Variants in GABRB3 observed in about 807,000 individuals in gnomAD.
The protein encoded by GABRB3 is gamma-aminobutyric acid type A receptor subunit beta3, also known as gamma-aminobutyric acid receptor subunit beta-3.
Under a neutral mutation model 52.1 loss-of-function variants are expected in GABRB3, and 14 were observed. The ratio of observed to expected loss-of-function variants is 0.27; its 90% CI spans 0.18 to 0.42. GABRB3 has a LOEUF of 0.42. GABRB3 is among the 10% of genes least tolerant of loss of function. The pLI is 1.00. For synonymous variants in GABRB3, 260 were observed against 232.3 expected (o/e 1.12, Z -1.08); for missense variants, 307 against 609.1 (o/e 0.50, Z 5.22).
chr15:26,554,162 TATATATATATAAAG>T (rs1567097425), intron 8 of GABRB3, among the ~76,000 whole-genome samples: 4 of 13,416 alleles, frequency 3.0e-4, no homozygotes, highest in Non-Finnish European at 5.7e-4. Flanking sequence ...ATATATAAAG[TATATATATATAAAG>T]TATATATATA....
At chr15:26,593,222 T>C (rs1441912210) in intron 4 of GABRB3, among the ~76,000 whole-genome samples, 1 of 152,084 alleles carries the variant, frequency 6.6e-6, no homozygotes. Flanking sequence ...AAAATGGATA[T>C]GTAACTGAGA....
intron 3 of GABRB3, among the ~76,000 whole-genome samples, chr15:26,687,606 T>C (rs1006883044): frequency 2.6e-5 from 4 of 152,160 alleles, no homozygotes. Context: ...TTTCTCAGAA[T>C]GATGAAAAAT....
At position 26,772,459 on chromosome 15, in the gene GABRB3, G is replaced by A. The variant is rs778097525; in HGVS notation, c.183C>T (p.Val61=). The stretch of plus-strand genomic sequence containing the variant: ...CGATGTCGATGTTCATCCCCACGCA[G>A]ACCGGGGGACCTGCGGGAAGCACAG... ...RLRPDFGGPP[V]CVGMNIDIAS... is the part of the protein sequence containing the mutation. The change falls in exon 3 of 9, where the codon GTC becomes GTT. Residue 61 remains valine (V), a synonymous_variant. Transcript: ENST00000311550. The A allele has an allele frequency of 3.1e-6, 5 of 1,610,562 alleles. No individual in the cohort carries two copies. Among genetic ancestry groups the A allele is most frequent in the Non-Finnish European group, 4.2e-6 (5 of 1,178,446 alleles).
chr15:26,628,850 T>C (rs1440927948), intron 3 of GABRB3: 27 of 1,001,438 alleles, frequency 2.7e-5, no homozygotes, highest in East Asian at 1.0e-4. Context: ...AGCAGAGGCC[T>C]GAAACGGCAG....
At chr15:26,601,726 C>T (rs1388623366) in intron 4 of GABRB3, among the ~76,000 whole-genome samples, 1 of 152,004 alleles carries the variant, frequency 6.6e-6, no homozygotes, top group Non-Finnish European at 1.5e-5. Flanking sequence ...TATTTGCAAG[C>T]TTCATAGCAA....
intron 4 of GABRB3, among the ~76,000 whole-genome samples, chr15:26,591,893 C>T (rs950796250): frequency 2.6e-5 from 4 of 152,204 alleles, no homozygotes; most frequent in Admixed American, 2.6e-4. Flanking sequence ...GTTCTAGTCA[C>T]ATATCAAGTG....
At chr15:26,718,182 A>T (rs1889547123) in intron 3 of GABRB3, among the ~76,000 whole-genome samples, 1 of 152,154 alleles carries the variant, frequency 6.6e-6, no homozygotes, top group Admixed American at 6.5e-5. Context: ...CAACTTGTAC[A>T]ATTTAATAGC....
At chr15:26,743,527 T>G (rs1890263374) in intron 3 of GABRB3, among the ~76,000 whole-genome samples, 2 of 152,172 alleles carry the variant, frequency 1.3e-5, no homozygotes, top group African/African-American at 4.8e-5. Context: ...ATTTCTCAAG[T>G]CAGAATAATG....
intron 4 of GABRB3, among the ~76,000 whole-genome samples, chr15:26,587,126 A>C (rs1891021153): frequency 6.6e-6 from 1 of 152,294 alleles, no homozygotes; most frequent in South Asian, 2.1e-4. Flanking sequence ...TAGATTCATA[A>C]ATCGTAACAT....
intron 3 of GABRB3, among the ~76,000 whole-genome samples, chr15:26,719,586 C>A (rs531614150): frequency 7.2e-5 from 11 of 152,204 alleles, no homozygotes; most frequent in Non-Finnish European, 1.3e-4. Flanking sequence ...TATTTATTAT[C>A]ATTCAAGCAC....
intron 5 of GABRB3, among the ~76,000 whole-genome samples, chr15:26,582,056 A>G (rs987575038): frequency 6.6e-6 from 1 of 152,228 alleles, no homozygotes; most frequent in Non-Finnish European, 1.5e-5. Context: ...ATATGGAGAC[A>G]TGTGTAGTCA....
chr15:26,567,826 G>A (rs1023932449), intron 6 of GABRB3, 93 bp from the exon 7 acceptor site: 4 of 1,286,222 alleles, frequency 3.1e-6, no homozygotes, highest in Non-Finnish European at 4.5e-6. Flanking sequence ...ACAGGCAATG[G>A]AAAAGTCTGC....
chr15:26,581,029 C>T (rs866955285), intron 5 of GABRB3: 3 of 247,446 alleles, frequency 1.2e-5, no homozygotes, highest in Middle Eastern at 1.5e-3. Context: ...TTGGGATATT[C>T]CTGACCCTTA....
chr15:26,546,578 A>C lies in GABRB3; in HGVS notation c.*1215T>G, dbSNP rs1299314581. 6.6e-6 allele frequency: 1 copy of C among 152,478 alleles called. No individual in the cohort carries two copies. Among genetic ancestry groups the C allele is most frequent in the African/African-American group, 2.4e-5 (1 of 41,390 alleles). The allele number at this position is 152,478 out of a possible 1,614,324, so 9.4% of individuals were successfully genotyped here. On this transcript the variant is annotated 3_prime_UTR_variant, in exon 9 of 9. Coordinates refer to ENST00000311550, the MANE Select transcript of GABRB3 (RefSeq NM_000814.6). ...TAGGAGTAGTTGGATGTGCTTATGA[A>C]ATATGTCAGATACAGAAATAAAGGC...
At chr15:26,710,083 T>G (rs2140128888) in intron 3 of GABRB3, among the ~76,000 whole-genome samples, 1 of 152,336 alleles carries the variant, frequency 6.6e-6, no homozygotes, top group Middle Eastern at 3.4e-3. Flanking sequence ...ATAATGTTCC[T>G]TAAGGTTCAT....
chr15:26,764,052 A>G (rs1890896001), intron 3 of GABRB3, among the ~76,000 whole-genome samples: 1 of 149,394 alleles, frequency 6.7e-6, no homozygotes, highest in Non-Finnish European at 1.5e-5. Context: ...GGAGAGGCTG[A>G]GGCAAGAGAA....
At chr15:26,711,194 A>C (rs1889282688) in intron 3 of GABRB3, among the ~76,000 whole-genome samples, 1 of 152,224 alleles carries the variant, frequency 6.6e-6, no homozygotes, top group African/African-American at 2.4e-5. Context: ...AGCAAAATAT[A>C]TCACTGTGTT....
At chr15:26,606,666 A>G (rs1891805567) in intron 4 of GABRB3, among the ~76,000 whole-genome samples, 1 of 147,774 alleles carries the variant, frequency 6.8e-6, no homozygotes. Flanking sequence ...ATTAGGCAAA[A>G]GAAAGAAAGA....
At chr15:26,696,383 GTTA>G (rs71639607) in intron 3 of GABRB3, among the ~76,000 whole-genome samples, 20,398 of 151,856 alleles carry the variant, frequency 0.13, 1,501 homozygotes, top group Non-Finnish European at 0.17. Context: ...TATAATTACT[GTTA>G]TTATTATTAT....
Sources: gnomAD v4.1 joint callset for allele counts (sites outside exome capture counted in the v4.1 genomes callset) on GRCh38, gnomAD v4.1.1 for gene constraint, MANE v1.5 for transcripts, NCBI Gene and HGNC (gene_info 2026-07-23, HGNC 2026-07-21) for gene names.